Variants in PTPRK observed in about 807,000 individuals in gnomAD.
PTPRK encodes protein tyrosine phosphatase receptor type K.
In PTPRK, 75 loss-of-function variants were observed where a neutral mutation model predicts 178.0. That is an observed-to-expected ratio of 0.42 (90% CI 0.35 to 0.51). The LOEUF (loss-of-function observed/expected upper bound fraction) is 0.51, where lower values mean the gene tolerates loss of function less well. Ranked by LOEUF, PTPRK falls within the 20% of genes least tolerant of loss-of-function variation. The probability of loss-of-function intolerance (pLI) is 0.02; values close to 1 mark genes in which losing one functional copy is unlikely to be tolerated. For synonymous variants in PTPRK, 637 were observed against 620.6 expected, an observed-to-expected ratio of 1.03 and a Z score of -0.39; for missense variants, 1,441 against 1,797.8, an observed-to-expected ratio of 0.80 and a Z score of 3.59.
At chr6:128,276,206 C>G (rs905528740) in intron 3 of PTPRK, among the ~76,000 whole-genome samples, 1 of 152,016 alleles carries the variant, frequency 6.6e-6, no homozygotes, top group Non-Finnish European at 1.5e-5. Flanking sequence ...TTTATGGTAT[C>G]TGTAAGTAAT....
At chr6:128,397,714 C>T in intron 1 of PTPRK, 26 bp from the exon 2 acceptor site, 2 of 1,607,612 alleles carry the variant, frequency 1.2e-6, no homozygotes, top group South Asian at 1.1e-5. Flanking sequence ...ACTACTGTTA[C>T]ATTCTAAACA....
chr6:128,238,405 T>TGAGGATACA (rs1437498054), intron 5 of PTPRK, among the ~76,000 whole-genome samples: 1 of 150,176 alleles, frequency 6.7e-6, no homozygotes, highest in Admixed American at 6.6e-5. Flanking sequence ...ACCAGCAGGG[T>TGAGGATACA]CCAGAAAGTC....
intron 1 of PTPRK, among the ~76,000 whole-genome samples, chr6:128,417,395 A>G (rs963458314): frequency 1.3e-5 from 2 of 152,200 alleles, no homozygotes; most frequent in South Asian, 2.1e-4. Context: ...AGAATAGGCC[A>G]TTAAATATCA....
At chr6:127,991,208 G>T in intron 20 of PTPRK, 86 bp downstream of exon 20, 1 of 1,026,374 alleles carries the variant, frequency 9.7e-7, no homozygotes, top group Non-Finnish European at 1.4e-6. Flanking sequence ...TAAACAATTG[G>T]ATGATATTCT....
intron 8 of PTPRK, among the ~76,000 whole-genome samples, chr6:128,084,197 T>A (rs1379727725): frequency 2.6e-5 from 4 of 152,102 alleles, no homozygotes; most frequent in Non-Finnish European, 4.4e-5. Flanking sequence ...TCCCCAAAGA[T>A]TTTTTTGAAG....
At chr6:128,422,211 G>A (rs1843559512) in intron 1 of PTPRK, among the ~76,000 whole-genome samples, 1 of 152,140 alleles carries the variant, frequency 6.6e-6, no homozygotes, top group Admixed American at 6.5e-5. Context: ...GTTTCTGCAT[G>A]TGTGCACATG....
chr6:128,338,433 C>T (rs967995050), intron 2 of PTPRK, among the ~76,000 whole-genome samples: 2 of 152,134 alleles, frequency 1.3e-5, no homozygotes, highest in Admixed American at 6.5e-5. Flanking sequence ...AGCCATGGTA[C>T]ACTGGATGAA....
At chr6:128,247,468 T>G (rs573655698) in intron 3 of PTPRK, among the ~76,000 whole-genome samples, 1 of 152,084 alleles carries the variant, frequency 6.6e-6, no homozygotes, top group East Asian at 1.9e-4. Context: ...TATAGGCACA[T>G]GCCACCACGC....
chr6:128,115,930 C>A (rs527413352), intron 7 of PTPRK, among the ~76,000 whole-genome samples: 2 of 152,066 alleles, frequency 1.3e-5, no homozygotes, highest in Non-Finnish European at 2.9e-5. Context: ...AATCAACACA[C>A]AGAGCGGTAT....
intron 8 of PTPRK, among the ~76,000 whole-genome samples, chr6:128,088,245 G>T (rs923472913): frequency 2.6e-5 from 4 of 152,006 alleles, no homozygotes; most frequent in Non-Finnish European, 5.9e-5. Context: ...GGGCATGGTG[G>T]CAGGTGCCTG....
At chr6:128,416,844 T>C (rs1584613828) in intron 1 of PTPRK, among the ~76,000 whole-genome samples, 1 of 151,602 alleles carries the variant, frequency 6.6e-6, no homozygotes. Context: ...GAAGATGTGA[T>C]AGCAATAGTC....
rs144992030 is a variant in PTPRK, at chr6:128,457,455, C to T, written c.101-59767G>A. 2.9e-4 allele frequency among the ~76,000 whole-genome samples: 44 copies of T among 152,198 alleles called. No homozygotes were observed. In the East Asian group the frequency reaches 6.4e-3, roughly 22 times the overall value. On this transcript the variant is annotated intron_variant, in intron 1 of 29. Transcript: ENST00000368226. ...AGTTGAAGAGACAGACAGACTTAGT[C>T]CATCAACTGCTTTCTCTGTCTTACT...
chr6:128,301,835 T>A (rs1247418957), intron 3 of PTPRK, among the ~76,000 whole-genome samples: 2 of 152,186 alleles, frequency 1.3e-5, no homozygotes, highest in East Asian at 3.9e-4. Context: ...GAAGGCTATA[T>A]TACTTTACTC....
intron 3 of PTPRK, among the ~76,000 whole-genome samples, chr6:128,283,969 C>G (rs958020193): frequency 2.6e-5 from 4 of 152,204 alleles, no homozygotes; most frequent in African/African-American, 2.4e-5. Flanking sequence ...TTCCCTGAAG[C>G]AAGACTCTGA....
chr6:128,207,806 C>T (rs116707185), intron 6 of PTPRK, among the ~76,000 whole-genome samples: 3,913 of 152,128 alleles, frequency 0.026, 100 homozygotes, highest in African/African-American at 0.07. Context: ...GTATCTTACC[C>T]ACCCATTTTT....
chr6:128,242,565 C>T lies in PTPRK; in HGVS notation c.533G>A (p.Gly178Asp). ...TTGGATGTCATCAATGGCAATATAA[C>T]CACTTCTCCCTCCTGAGACTTCAGC... Reference protein sequence around the residue: ...FEAEVSGGRSGYIAIDDIQVL... With the variant: ...FEAEVSGGRSDYIAIDDIQVL... Residue 178 changes from glycine to aspartate, a missense_variant, in exon 4 of 30, where the codon GGT (glycine) becomes GAT (aspartate). Gly to Asp is a moderately conservative substitution (Grantham distance 94). Coordinates refer to ENST00000368226, the MANE Select transcript of PTPRK (RefSeq NM_002844.4). The T allele has an allele frequency of 6.2e-7, 1 of 1,612,964 alleles. No individual in the cohort carries two copies.
At chr6:128,375,060 T>TCA (rs57182668) in intron 2 of PTPRK, among the ~76,000 whole-genome samples, 1 of 94,776 alleles carries the variant, frequency 1.1e-5, no homozygotes, top group Non-Finnish European at 2.1e-5. Flanking sequence ...AAACACTGCA[T>TCA]TATTATTATT....
chr6:128,150,023 A>G (rs1042771568), intron 7 of PTPRK, among the ~76,000 whole-genome samples: 24 of 152,174 alleles, frequency 1.6e-4, no homozygotes, highest in African/African-American at 5.3e-4. Flanking sequence ...CTACTGGATG[A>G]TGAAACAGAC....
intron 3 of PTPRK, among the ~76,000 whole-genome samples, chr6:128,302,841 G>T (rs1825848344): frequency 6.6e-6 from 1 of 151,930 alleles, no homozygotes. Context: ...CCTTAGTTAG[G>T]ATCTTTCTCC....
Sources: allele counts gnomAD v4.1 joint callset (sites outside exome capture counted in the v4.1 genomes callset), GRCh38; gene constraint gnomAD v4.1.1; transcripts MANE v1.5; gene names NCBI Gene and HGNC (gene_info 2026-07-23, HGNC 2026-07-21).